Variants in ZNF710 observed in about 807,000 individuals in gnomAD.
The protein encoded by ZNF710 is zinc finger protein 710.
Under a neutral mutation model 50.6 loss-of-function variants are expected in ZNF710, and 13 were observed. The observed-to-expected ratio is 0.26, with a 90% CI of 0.17 to 0.41. ZNF710 has a LOEUF of 0.41. Ranked by LOEUF, ZNF710 falls within the 10% of genes least tolerant of loss-of-function variation. ZNF710 has a pLI of 1.00. For missense variants in ZNF710, 721 were observed against 936.6 expected, an observed-to-expected ratio of 0.77 and a Z score of 3.01; for synonymous variants, 383 against 397.0, an observed-to-expected ratio of 0.96 and a Z score of 0.42.
chr15:90,078,234 G>A (rs1391306977), intron 4 of ZNF710, among the ~76,000 whole-genome samples: 1 of 150,768 alleles, frequency 6.6e-6, no homozygotes, highest in Non-Finnish European at 1.5e-5. Context: ...AAAAAGAAGA[G>A]AAAAGAAATG....
Position 90,034,827 on chromosome 15 carries a change from C to G in ZNF710, c.-28-32283C>G, listed in dbSNP as rs1899069018. ...CCTGGCGCCTGTTGGGGACTTAGAC[C>G]TCTTCCACATCGCCCCAAGGTCGGG... On this transcript the variant is annotated intron_variant, in intron 1 of 4. Transcript: ENST00000268154. The surrounding 1 kb of genome is among the most constrained non-coding windows in gnomAD (Gnocchi z 4.0). Among the ~76,000 whole-genome samples, 1 of 152,210 alleles carries G rather than the reference C, an allele frequency of 6.6e-6. No homozygotes were observed. The highest frequency in any genetic ancestry group is 2.4e-5 in the African/African-American group (1 of 41,464).
intron 1 of ZNF710, among the ~76,000 whole-genome samples, chr15:90,020,748 G>A (rs1898592366): frequency 2.0e-5 from 3 of 152,266 alleles, no homozygotes; most frequent in Admixed American, 6.5e-5. Context: ...TTTTAGCCCC[G>A]TTATCTGTCT....
intron 1 of ZNF710, among the ~76,000 whole-genome samples, chr15:90,049,481 A>G (rs1899571026): frequency 1.3e-5 from 2 of 152,134 alleles, no homozygotes; most frequent in African/African-American, 4.8e-5. Flanking sequence ...TACTAAAGTC[A>G]CTTTCGCCCT....
intron 2 of ZNF710, 107 bp from the exon 3 acceptor site, chr15:90,072,964 G>C (rs28564108): frequency 0.028 from 32,298 of 1,146,304 alleles, 1,841 homozygotes; most frequent in African/African-American, 0.18. Flanking sequence ...CCCAGAAAGT[G>C]TGCCTTTGTG....
At chr15:90,018,839 ATTC>A (rs1295189685) in intron 1 of ZNF710, among the ~76,000 whole-genome samples, 2 of 152,214 alleles carry the variant, frequency 1.3e-5, no homozygotes, top group African/African-American at 4.8e-5. Flanking sequence ...CCTTGAAAAT[ATTC>A]TTAAATATTC....
intron 1 of ZNF710, among the ~76,000 whole-genome samples, chr15:90,027,082 AG>A (rs1296698069): frequency 6.6e-6 from 1 of 152,242 alleles, no homozygotes; most frequent in Non-Finnish European, 1.5e-5. Flanking sequence ...ATTAAATAAC[AG>A]TAAGTACAAT....
intron 1 of ZNF710, among the ~76,000 whole-genome samples, chr15:90,038,928 C>G (rs951591358): frequency 6.6e-6 from 1 of 152,132 alleles, no homozygotes; most frequent in Non-Finnish European, 1.5e-5. Context: ...TGTTGTGGGG[C>G]ATCCTGTCCA....
At position 90,062,758 on chromosome 15, in the gene ZNF710, TAGGC is replaced by T. The variant is rs1406117725; in HGVS notation, c.-28-4345_-28-4342del. Reference sequence around the variant, plus strand: ...CCCCACTCCTCATTTCCGTGTGCGATAGGCAGGCAGAACACACATGCGAAACGCA... The same window carrying T: ...CCCCACTCCTCATTTCCGTGTGCGATAGGCAGAACACACATGCGAAACGCA... On this transcript the variant is annotated intron_variant, in intron 1 of 4. Transcript: ENST00000268154. The surrounding 1 kb of genome is among the most constrained non-coding windows in gnomAD (Gnocchi z 5.6). Among the ~76,000 whole-genome samples, 2 of 152,142 alleles carry T rather than the reference TAGGC, an allele frequency of 1.3e-5. No homozygotes were observed. The highest frequency in any genetic ancestry group is 2.9e-5 in the Non-Finnish European group (2 of 68,002).
chr15:90,066,166 C>T (rs902587524), intron 1 of ZNF710, among the ~76,000 whole-genome samples: 2 of 152,164 alleles, frequency 1.3e-5, no homozygotes, highest in South Asian at 2.1e-4. Context: ...AGATGTTTAT[C>T]GTCGGGGCTG....
chr15:90,066,472 G>T (rs1900170729), intron 1 of ZNF710, among the ~76,000 whole-genome samples: 1 of 134,334 alleles, frequency 7.4e-6, no homozygotes, highest in Non-Finnish European at 1.6e-5. Context: ...CGATTTTTAA[G>T]GATTTTTTTT....
At chr15:90,026,964 AAGG>A (rs1425441325) in intron 1 of ZNF710, among the ~76,000 whole-genome samples, 1 of 152,208 alleles carries the variant, frequency 6.6e-6, no homozygotes, top group Non-Finnish European at 1.5e-5. Context: ...GTAACAAAAT[AAGG>A]AGGTCTGCCA....
At chr15:90,026,760 A>AT (rs1270000069) in intron 1 of ZNF710, among the ~76,000 whole-genome samples, 2 of 152,254 alleles carry the variant, frequency 1.3e-5, no homozygotes, top group Non-Finnish European at 2.9e-5. Flanking sequence ...ATGCTAATGC[A>AT]TTAAAAAAGT....
intron 1 of ZNF710, among the ~76,000 whole-genome samples, chr15:90,007,952 C>G (rs1424339930): frequency 3.3e-5 from 5 of 152,012 alleles, no homozygotes; most frequent in African/African-American, 1.2e-4. Flanking sequence ...CCAACTCATG[C>G]TTGTTTGCAA....
intron 3 of ZNF710, 119 bp from the exon 4 acceptor site, chr15:90,073,997 A>AAC: frequency 1.8e-6 from 2 of 1,131,852 alleles, no homozygotes; most frequent in Non-Finnish European, 1.2e-6. Context: ...CTCAAAAAAA[A>AAC]AACAAAAAAA....
intron 1 of ZNF710, among the ~76,000 whole-genome samples, chr15:90,023,883 C>T (rs1898695293): frequency 6.6e-6 from 1 of 151,982 alleles, no homozygotes; most frequent in Non-Finnish European, 1.5e-5. Context: ...CCTGTAGTCC[C>T]AGCTACTCGG....
chr15:90,020,414 A>G (rs1898579705), intron 1 of ZNF710, among the ~76,000 whole-genome samples: 1 of 152,178 alleles, frequency 6.6e-6, no homozygotes, highest in South Asian at 2.1e-4. Context: ...CTGAGGCCCA[A>G]GCCCAGCCCA....
intron 1 of ZNF710, among the ~76,000 whole-genome samples, chr15:90,052,657 T>C (rs1567234699): frequency 6.6e-6 from 1 of 152,214 alleles, no homozygotes; most frequent in Non-Finnish European, 1.5e-5. Context: ...TGGGCCTGGT[T>C]CGGTGGCTCA....
chr15:90,074,624 G>A, intron 4 of ZNF710: 5 of 817,822 alleles, frequency 6.1e-6, no homozygotes, highest in Non-Finnish European at 8.5e-6. Context: ...TTTTACAGAT[G>A]CAGAAACTGA....
intron 2 of ZNF710, among the ~76,000 whole-genome samples, chr15:90,069,420 A>G (rs933315118): frequency 6.6e-6 from 1 of 151,744 alleles, no homozygotes; most frequent in African/African-American, 2.4e-5. Context: ...AAAAAAAAAA[A>G]ATCATTTTTA....
Sources: gnomAD v4.1 joint callset for allele counts (sites outside exome capture counted in the v4.1 genomes callset) on GRCh38, gnomAD v4.1.1 for gene constraint, Gnocchi (gnomAD v3.1) non-coding constraint, MANE v1.5 for transcripts, NCBI Gene and HGNC (gene_info 2026-07-23, HGNC 2026-07-21) for gene names.